Variants in NOM1 observed in about 807,000 individuals in gnomAD.
NOM1 encodes nucleolar MIF4G domain-containing protein 1.
A neutral mutation model predicts 73.3 loss-of-function variants in NOM1; 58 were observed. The observed-to-expected ratio is 0.79, with a 90% CI of 0.64 to 0.99. NOM1 has a LOEUF of 0.99. Among genes scored for constraint, NOM1 ranks in the 50% least tolerant of loss-of-function variants. The pLI, the probability that NOM1 is intolerant of heterozygous loss-of-function variation, is 0.00. For synonymous variants in NOM1, 487 were observed against 446.8 expected, an observed-to-expected ratio of 1.09 and a Z score of -1.14; for missense variants, 1,226 against 1,131.9, an observed-to-expected ratio of 1.08 and a Z score of -1.19.
At chr7:156,954,340 T>C in intron 3 of NOM1, 42 bp downstream of exon 3, 1 of 1,501,836 alleles carries the variant, frequency 6.7e-7, no homozygotes, top group African/African-American at 1.4e-5. Flanking sequence ...TAGTGTCTCA[T>C]GGTGATTATT....
In NOM1 at chr7:156,973,112, A is replaced by G. The variant is rs545923370; in HGVS notation, c.*3409A>G. On this transcript the variant is annotated 3_prime_UTR_variant, in exon 11 of 11. Coordinates refer to ENST00000275820, the MANE Select transcript of NOM1 (RefSeq NM_138400.2). ...AGCTGTCTTTCAGGGTATCATTTTT[A>G]AAGGTATAAGGAACAAACTTTAATG... is the stretch of plus-strand genomic sequence containing the variant. 1 of 152,238 alleles carries G rather than the reference A, an allele frequency of 6.6e-6. No homozygotes were observed. The highest frequency in any genetic ancestry group is 1.9e-4 in the East Asian group (1 of 5,190). The allele number at this position is 152,238 out of a possible 1,614,324, so 9.4% of individuals were successfully genotyped here.
At chr7:156,969,270 A>G (rs763861726) in intron 10 of NOM1, 74 bp downstream of exon 10, 1 of 943,106 alleles carries the variant, frequency 1.1e-6, no homozygotes, top group Non-Finnish European at 1.7e-6. Context: ...TTGATTTACA[A>G]ACACAAGGTT....
chr7:156,956,131 T>C (rs1804719963), intron 3 of NOM1, among the ~76,000 whole-genome samples: 1 of 151,304 alleles, frequency 6.6e-6, no homozygotes, highest in Non-Finnish European at 1.5e-5. Context: ...AGGCGGAGTT[T>C]GCAGTGAGCC....
At chr7:156,953,364 G>A (rs1405469961) in intron 2 of NOM1, among the ~76,000 whole-genome samples, 1 of 152,130 alleles carries the variant, frequency 6.6e-6, no homozygotes, top group Non-Finnish European at 1.5e-5. Flanking sequence ...CCGACCTCAG[G>A]TGATCCGCCC....
At chr7:156,952,720 C>T (rs1247565094) in intron 2 of NOM1, 122 bp downstream of exon 2, 1 of 1,123,662 alleles carries the variant, frequency 8.9e-7, no homozygotes, top group Non-Finnish European at 1.3e-6. Flanking sequence ...CCTTTCTGTT[C>T]TTGGCTTGAT....
chr7:156,955,389 C>T (rs984282398), intron 3 of NOM1, among the ~76,000 whole-genome samples: 1 of 152,124 alleles, frequency 6.6e-6, no homozygotes, highest in Admixed American at 6.5e-5. Context: ...GGTTGGTGAA[C>T]GAATGGAGGG....
At chr7:156,964,671 C>T (rs1476898190) in intron 7 of NOM1, among the ~76,000 whole-genome samples, 1 of 152,152 alleles carries the variant, frequency 6.6e-6, no homozygotes, top group Non-Finnish European at 1.5e-5. Context: ...CTTTTATTTG[C>T]TTCAAACTAG....
chr7:156,956,353 C>T (rs553061472), intron 3 of NOM1, among the ~76,000 whole-genome samples: 3 of 152,218 alleles, frequency 2.0e-5, no homozygotes, highest in Admixed American at 6.5e-5. Context: ...CTTGTGCCTC[C>T]GAGTCTTCCT....
chr7:156,950,280 G>A lies in NOM1; in HGVS notation c.543G>A (p.Glu181=). The A allele has an allele frequency of 6.2e-7, 1 of 1,614,098 alleles. No individual in the cohort carries two copies. The highest frequency in any genetic ancestry group is 8.5e-7 in the Non-Finnish European group (1 of 1,179,922). ...RKRALLAANE[E]EDREIRKLER... The stretch of plus-strand genomic sequence containing the variant: ...GGGCGCTTTTAGCGGCGAACGAGGA[G>A]GAGGACCGAGAGATCCGAAAGCTGG... The change falls in exon 1 of 11, where the codon GAG becomes GAA. Residue 181 remains glutamate, a synonymous_variant. Transcript: ENST00000275820.
intron 4 of NOM1, among the ~76,000 whole-genome samples, chr7:156,960,588 G>A (rs1405243898): frequency 6.6e-6 from 1 of 152,130 alleles, no homozygotes; most frequent in African/African-American, 2.4e-5. Context: ...GTGGAACCGC[G>A]TGTTCCTGGG....
chr7:156,954,725 T>C (rs1804680371), intron 3 of NOM1, among the ~76,000 whole-genome samples: 1 of 152,008 alleles, frequency 6.6e-6, no homozygotes, highest in Non-Finnish European at 1.5e-5. Context: ...CAGGCTGGTG[T>C]CAAATTCCTG....
intron 5 of NOM1, among the ~76,000 whole-genome samples, chr7:156,962,803 G>A (rs1268319527): frequency 2.6e-5 from 4 of 152,118 alleles, no homozygotes; most frequent in South Asian, 2.1e-4. Context: ...GCGTGTTTGG[G>A]GTGATGGACT....
intron 7 of NOM1, 29 bp downstream of exon 7, chr7:156,964,055 A>G: frequency 6.3e-7 from 1 of 1,597,438 alleles, no homozygotes; most frequent in Non-Finnish European, 8.5e-7. Flanking sequence ...ATTTTGACCT[A>G]TTAATGAGAT....
At position 156,963,482 on chromosome 7, in the gene NOM1, C is replaced by CT. The variant is rs202023372; in HGVS notation, c.1911+307_1911+308insT. ...TGCTGAGACCCCTCAGGCTGCCCCC[C>CT]GGGCTGTGCATTCTAGGCTACAGGC... On this transcript the variant is annotated intron_variant, in intron 6 of 10. Transcript: ENST00000275820. The CT allele has an allele frequency of 2.5e-3, 1,188 of 469,904 alleles. 12 individuals carry two copies. The highest frequency in any genetic ancestry group is 0.02 in the African/African-American group (1,027 of 51,328). The allele number at this position is 469,904 out of a possible 1,614,324, so 29.1% of individuals were successfully genotyped here. A position where few individuals can be genotyped will look rare whatever the true frequency, so the allele number is the denominator to read the frequency against.
At position 156,962,369 on chromosome 7, in the gene NOM1, G is replaced by A. The variant is rs1804887459; in HGVS notation, c.1743+108G>A. ...GACCTGCACGTCAGGGTGGTGTCTGGTGAGTGAGAGTGCTCAGAGGCAGAG... is the reference window on the plus strand; with the variant it reads ...GACCTGCACGTCAGGGTGGTGTCTGATGAGTGAGAGTGCTCAGAGGCAGAG... On this transcript the variant is annotated intron_variant, in intron 5 of 10. Transcript: ENST00000275820. The A allele has an allele frequency of 3.4e-6, 3 of 872,756 alleles. No individual in the cohort carries two copies. In the East Asian group the frequency reaches 7.5e-5, roughly 22 times the overall value. The allele number at this position is 872,756 out of a possible 1,614,324, so 54.1% of individuals were successfully genotyped here. A position where few individuals can be genotyped will look rare whatever the true frequency, so the allele number is the denominator to read the frequency against.
At position 156,972,144 on chromosome 7, in the gene NOM1, G is replaced by A. The variant is rs919820769; in HGVS notation, c.*2441G>A. 6.6e-6 allele frequency: 1 copy of A among 152,228 alleles called. No homozygotes were observed. Among genetic ancestry groups the A allele is most frequent in the Non-Finnish European group, 1.5e-5 (1 of 68,050 alleles). The allele number at this position is 152,228 out of a possible 1,614,324, so 9.4% of individuals were successfully genotyped here. ...AAAAATGTCAGTTGAACTAAATTGT[G>A]CTTCACGCCTCGGTAGATTTGCATT... On this transcript the variant is annotated 3_prime_UTR_variant, in exon 11 of 11. Coordinates refer to ENST00000275820, the MANE Select transcript of NOM1 (RefSeq NM_138400.2).
intron 3 of NOM1, 39 bp from the exon 4 acceptor site, chr7:156,959,812 T>A (rs1490114406): frequency 2.5e-6 from 4 of 1,582,628 alleles, no homozygotes; most frequent in Non-Finnish European, 2.6e-6. Flanking sequence ...GGAAGGTTTC[T>A]AGGAATAACA....
At chr7:156,952,021 C>A (rs779111229) in intron 1 of NOM1, among the ~76,000 whole-genome samples, 10 of 152,138 alleles carry the variant, frequency 6.6e-5, no homozygotes, top group Non-Finnish European at 1.5e-4. Context: ...TGATTTTTAT[C>A]ATATAAACTT....
At chr7:156,952,396 A>G (rs750873654) in intron 1 of NOM1, 78 bp from the exon 2 acceptor site, 17 of 1,477,248 alleles carry the variant, frequency 1.2e-5, no homozygotes, top group Non-Finnish European at 1.6e-5. Context: ...TTTAATATTT[A>G]AATACACATA....
Sources: allele counts gnomAD v4.1 joint callset (sites outside exome capture counted in the v4.1 genomes callset), GRCh38; gene constraint gnomAD v4.1.1; transcripts MANE v1.5; gene names NCBI Gene and HGNC (gene_info 2026-07-23, HGNC 2026-07-21).